SP3: variants seen among roughly 807,000 people sequenced by gnomAD.
SP3 encodes Sp3 transcription factor, also known as transcription factor Sp3.
SP3 carries 10 observed loss-of-function variants against 70.3 expected under a neutral mutation model. That is an observed-to-expected ratio of 0.14 (90% CI 0.09 to 0.24). The LOEUF is 0.24. SP3 is among the 10% of genes least tolerant of loss of function. The pLI is 1.00. For missense variants in SP3, 825 were observed against 914.6 expected, an observed-to-expected ratio of 0.90 and a Z score of 1.26; for synonymous variants, 402 against 333.5, an observed-to-expected ratio of 1.21 and a Z score of -2.24.
At position 173,955,548 on chromosome 2, in the gene SP3, C is replaced by T; in HGVS notation, c.964G>A (p.Glu322Lys). The change falls in exon 4 of 7, where the codon GAA (glutamate) becomes AAA (lysine). Residue 322 changes from glutamate (E) to lysine (K), a missense_variant. Physicochemically the swap from Glu to Lys is moderately conservative, Grantham distance 56. Coordinates refer to ENST00000310015, the MANE Select transcript of SP3 (RefSeq NM_003111.5). ...AATAAATCTGTATCAGTATTAGTTT[C>T]ATTAATATCAGGAGAAACCCGCTCA... Reference protein sequence around the residue: ...TGERVSPDINETNTDTDLFVP... With the variant: ...TGERVSPDINKTNTDTDLFVP... 1.2e-6 allele frequency: 2 copies of T among 1,614,032 alleles called. No individual in the cohort carries two copies. The highest frequency in any genetic ancestry group is 1.7e-6 in the Non-Finnish European group (2 of 1,180,022).
At chr2:173,930,606 G>A (rs969965274) in intron 4 of SP3, among the ~76,000 whole-genome samples, 4 of 152,116 alleles carry the variant, frequency 2.6e-5, no homozygotes, top group Non-Finnish European at 5.9e-5. Context: ...TGTCCCAAAA[G>A]CTTCAAATGC....
rs1038891068 is a variant in SP3 at position 173,903,838 on chromosome 2, T to A, written c.*6103A>T. Among the ~76,000 whole-genome samples the A allele has an allele frequency of 1.3e-5, 2 of 152,200 alleles. No individual in the cohort carries two copies. Among genetic ancestry groups the A allele is most frequent in the African/African-American group, 4.8e-5 (2 of 41,446 alleles). On this transcript the variant is annotated 3_prime_UTR_variant, in exon 7 of 7. Transcript: ENST00000310015. ...TCTTTCAAGGCCCACCCTTTCTGAT[T>A]CATCCAAGCTATATACTAAGTTCTG...
chr2:173,964,287 G>T (rs1315437056), intron 2 of SP3, 118 bp downstream of exon 2: 5 of 536,958 alleles, frequency 9.3e-6, no homozygotes, highest in Non-Finnish European at 1.3e-5. Flanking sequence ...GGGGGGAGGG[G>T]AGTGGAGGGG....
Position 173,964,691 on chromosome 2 carries a change from C to T in SP3, c.8-138G>A, listed in dbSNP as rs562227716. 51 of 373,960 alleles carry T rather than the reference C, an allele frequency of 1.4e-4. 1 individual carries two copies. The East Asian group carries it at 1.9e-3, about 14-fold the overall frequency. The allele number at this position is 373,960 out of a possible 1,614,324, so 23.2% of individuals were successfully genotyped here. ...CCCTCCCCCACCCGCCCCCCGGCGG[C>T]GGCGGCGGCGGCGGCTCCCTCCTCC... On this transcript the variant is annotated intron_variant, in intron 1 of 6. Transcript: ENST00000310015.
intron 4 of SP3, among the ~76,000 whole-genome samples, chr2:173,951,637 C>T (rs1202124094): frequency 6.6e-6 from 1 of 152,110 alleles, no homozygotes; most frequent in East Asian, 1.9e-4. Flanking sequence ...CGGATATCTA[C>T]CTGGAAAGGG....
chr2:173,905,109 CACT>C lies in SP3; in HGVS notation c.*4829_*4831del, dbSNP rs1249523142. 2.0e-5 allele frequency among the ~76,000 whole-genome samples: 3 copies of C among 152,292 alleles called. No individual in the cohort carries two copies. Among genetic ancestry groups the C allele is most frequent in the Middle Eastern group, 3.4e-3 (1 of 294 alleles). On this transcript the variant is annotated 3_prime_UTR_variant, in exon 7 of 7. Transcript: ENST00000310015. ...GGGCAGTCACTTCAGACACTTCATC[CACT>C]ATCACTTTAGGTTCCAACTGTTCTT... is the stretch of plus-strand genomic sequence containing the variant.
intron 4 of SP3, among the ~76,000 whole-genome samples, chr2:173,919,823 T>C (rs1689699576): frequency 1.4e-5 from 2 of 143,356 alleles, no homozygotes; most frequent in African/African-American, 6.0e-5. Flanking sequence ...TGAACCTATA[T>C]ATACCCTATA....
rs191724389 is a variant in SP3 at position 173,902,443 on chromosome 2, G to T, written c.*7498C>A. ...AGTATCTGGTGAAACTGAAGATTAA[G>T]AATATCCTGTTGGCCAGTGATTCAA... On this transcript the variant is annotated 3_prime_UTR_variant, in exon 7 of 7. Coordinates refer to ENST00000310015, the MANE Select transcript of SP3 (RefSeq NM_003111.5). Among the ~76,000 whole-genome samples the T allele has an allele frequency of 6.6e-6, 1 of 152,308 alleles. No homozygotes were observed. The highest frequency in any genetic ancestry group is 1.9e-4 in the East Asian group (1 of 5,180).
Position 173,963,901 on chromosome 2 carries a change from G to A in SP3, c.157-18C>T. 6.8e-7 allele frequency: 1 copy of A among 1,464,450 alleles called. No homozygotes were observed. Among genetic ancestry groups the A allele is most frequent in the Non-Finnish European group, 9.1e-7 (1 of 1,100,728 alleles). The allele number at this position is 1,464,450 out of a possible 1,614,324, so 90.7% of individuals were successfully genotyped here. A position where few individuals can be genotyped will look rare whatever the true frequency, so the allele number is the denominator to read the frequency against. Reference sequence around the variant, plus strand: ...TGAGTGTCCTACCCCCAATGGGCGGGTTCAGAGAGGGAGACAGGGGGAGGG... The same window carrying A: ...TGAGTGTCCTACCCCCAATGGGCGGATTCAGAGAGGGAGACAGGGGGAGGG... On this transcript the variant is annotated intron_variant, in intron 2 of 6. Coordinates refer to ENST00000310015, the MANE Select transcript of SP3 (RefSeq NM_003111.5).
intron 4 of SP3, among the ~76,000 whole-genome samples, chr2:173,932,050 G>A (rs1198570730): frequency 6.6e-6 from 1 of 152,208 alleles, no homozygotes; most frequent in Non-Finnish European, 1.5e-5. Context: ...AAGAGGCCCA[G>A]CTTCTGGTCT....
chr2:173,955,086 T>G lies in SP3; in HGVS notation c.1426A>C (p.Asn476His). The G allele has an allele frequency of 6.2e-7, 1 of 1,614,220 alleles. No homozygotes were observed. The highest frequency in any genetic ancestry group is 8.5e-7 in the Non-Finnish European group (1 of 1,180,034). ...GCAGCAGTATTCTGTATTTGCAAAT[T>G]CTGCAAGTTCTGGACCCCTTGTACT... ...FQVQGVQNLQ[N>H]LQIQNTAAQQ... Residue 476 changes from asparagine (N) to histidine (H), a missense_variant, in exon 4 of 7, where the codon AAT becomes CAT. Transcript: ENST00000310015.
At position 173,955,785 on chromosome 2, in the gene SP3, C is replaced by G. The variant is rs1012714167; in HGVS notation, c.727G>C (p.Gly243Arg). 3.1e-6 allele frequency: 5 copies of G among 1,614,060 alleles called. No homozygotes were observed. The highest frequency in any genetic ancestry group is 3.4e-6 in the Non-Finnish European group (4 of 1,180,036). The change falls in exon 4 of 7, where the codon GGT becomes CGT. Residue 243 changes from glycine to arginine, a missense_variant. Around this residue, in one of 4 missense-constraint regions of SP3, gnomAD observed 678 missense variants for 651.6 expected, o/e 1.04. Coordinates refer to ENST00000310015, the MANE Select transcript of SP3 (RefSeq NM_003111.5). Reference protein sequence around the residue: ...QVQVQGVAIGGSSFPGQTQVV... With the variant: ...QVQVQGVAIGRSSFPGQTQVV... ...TGGGTTTGACCAGGAAAAGATGAAC[C>G]ACCAATTGCAACTCCCTGAACCTGG...
At position 173,945,107 on chromosome 2, in the gene SP3, G is replaced by A. The variant is rs140398408; in HGVS notation, c.1639+9766C>T. Among the ~76,000 whole-genome samples, 494 of 152,234 alleles carry A rather than the reference G, an allele frequency of 3.2e-3. 4 individuals are homozygous for A. The highest frequency in any genetic ancestry group is 0.011 in the African/African-American group (467 of 41,520). ...TAATGTTAAATTAAATACACTTCAG[G>A]TTGATGAAAGTATCATCCTTAAGGA... On this transcript the variant is annotated intron_variant, in intron 4 of 6. Transcript: ENST00000310015.
In SP3 at chr2:173,965,225, G is replaced by C; in HGVS notation, c.-54C>G. The C allele has an allele frequency of 1.3e-6, 2 of 1,541,278 alleles. No individual in the cohort carries two copies. The highest frequency in any genetic ancestry group is 1.8e-6 in the Non-Finnish European group (2 of 1,141,308). Reference sequence around the variant, plus strand: ...TCCCCGCCGCCTTACACATGGTGAGGAGCGAAGGCGGCGGCGGCGGGAGAG... The same window carrying C: ...TCCCCGCCGCCTTACACATGGTGAGCAGCGAAGGCGGCGGCGGCGGGAGAG... On this transcript the variant is annotated 5_prime_UTR_variant, in exon 1 of 7. Transcript: ENST00000310015.
At chr2:173,956,976 A>C (rs978812929) in intron 3 of SP3, among the ~76,000 whole-genome samples, 1 of 152,204 alleles carries the variant, frequency 6.6e-6, no homozygotes, top group African/African-American at 2.4e-5. Context: ...GAGGGAGAGA[A>C]AGATAATCTA....
chr2:173,929,638 T>C (rs1441697065), intron 4 of SP3, among the ~76,000 whole-genome samples: 4 of 152,226 alleles, frequency 2.6e-5, no homozygotes, highest in Non-Finnish European at 5.9e-5. Flanking sequence ...AGGTGGGGAA[T>C]GCTCTGACTG....
At chr2:173,958,582 G>GAAAAAAAAAAAAAAAAAA (rs60433945) in intron 3 of SP3, among the ~76,000 whole-genome samples, 1 of 134,086 alleles carries the variant, frequency 7.5e-6, no homozygotes, top group Admixed American at 7.4e-5. Context: ...AACGATGGGG[G>GAAAAAAAAAAAAAAAAAA]AAAAAAAAAA....
intron 3 of SP3, chr2:173,963,317 G>T (rs1256492565): frequency 6.6e-6 from 1 of 152,116 alleles, no homozygotes; most frequent in African/African-American, 2.4e-5. Context: ...AATAATGTAT[G>T]ATTTAAAGCA....
At chr2:173,942,422 C>T (rs375340751) in intron 4 of SP3, among the ~76,000 whole-genome samples, 3 of 152,068 alleles carry the variant, frequency 2.0e-5, no homozygotes, top group Admixed American at 6.6e-5. Flanking sequence ...AAAAATTAGC[C>T]GAGCGTGGTG....
Sources: allele counts gnomAD v4.1 joint callset (sites outside exome capture counted in the v4.1 genomes callset), GRCh38; gene constraint gnomAD v4.1.1; regional missense constraint gnomAD v4.1.1; transcripts MANE v1.5; gene names NCBI Gene and HGNC (gene_info 2026-07-23, HGNC 2026-07-21).